Variants in RPN2 observed in about 807,000 individuals in gnomAD.
The protein encoded by RPN2 is ribophorin II, also known as dolichyl-diphosphooligosaccharide--protein glycosyltransferase subunit 2.
A neutral mutation model predicts 71.4 loss-of-function variants in RPN2; 29 were observed. The ratio of observed to expected loss-of-function variants is 0.41; its 90% CI spans 0.30 to 0.55. The LOEUF (loss-of-function observed/expected upper bound fraction) is 0.55, where lower values mean the gene tolerates loss of function less well. Among genes scored for constraint, RPN2 ranks in the 20% least tolerant of loss-of-function variants. The pLI is 0.35. For synonymous variants in RPN2, 308 were observed against 305.0 expected (o/e 1.01, Z -0.10); for missense variants, 726 against 774.1 (o/e 0.94, Z 0.74).
At chr20:37,231,974 C>T (rs1325438474) in intron 13 of RPN2, among the ~76,000 whole-genome samples, 2 of 152,180 alleles carry the variant, frequency 1.3e-5, no homozygotes, top group Non-Finnish European at 1.5e-5. Flanking sequence ...TACCTGGGCA[C>T]CCTCTTTGGC....
At chr20:37,233,070 A>G (rs4810452) in intron 14 of RPN2, among the ~76,000 whole-genome samples, 110,034 of 151,148 alleles carry the variant, frequency 0.73, 40,442 homozygotes, top group Middle Eastern at 0.85. Context: ...AGAAAATTAG[A>G]AAAAAAAAAA....
intron 16 of RPN2, among the ~76,000 whole-genome samples, chr20:37,237,918 A>G (rs930638941): frequency 6.6e-6 from 1 of 152,204 alleles, no homozygotes; most frequent in African/African-American, 2.4e-5. Flanking sequence ...TCTGCCCGCC[A>G]TGGTGGCTTA....
At chr20:37,205,681 A>G (rs1286707483) in intron 6 of RPN2, among the ~76,000 whole-genome samples, 3 of 152,170 alleles carry the variant, frequency 2.0e-5, no homozygotes, top group African/African-American at 4.8e-5. Context: ...TATTTTCTCC[A>G]TGTGGTCAAA....
chr20:37,179,960 C>T lies in RPN2; in HGVS notation c.13+591C>T, dbSNP rs561886772. 2.0e-5 allele frequency among the ~76,000 whole-genome samples: 3 copies of T among 152,350 alleles called. No homozygotes were observed. The South Asian group carries it at 6.2e-4, about 32-fold the overall frequency. ...TGTAAAATAAGTTAGTCAAATTAGTCACGTTATCTGCCTCGTTGAGTTGCT... is the reference window on the plus strand; with the variant it reads ...TGTAAAATAAGTTAGTCAAATTAGTTACGTTATCTGCCTCGTTGAGTTGCT... On this transcript the variant is annotated intron_variant, in intron 1 of 16. Coordinates refer to ENST00000237530, the MANE Select transcript of RPN2 (RefSeq NM_002951.5).
intron 4 of RPN2, among the ~76,000 whole-genome samples, chr20:37,203,194 G>A (rs1470823325): frequency 6.6e-6 from 1 of 152,168 alleles, no homozygotes; most frequent in Admixed American, 6.5e-5. Context: ...CAAAGTATTG[G>A]GATTACAGGT....
rs6017563 is a variant in RPN2 at position 37,228,444 on chromosome 20, C to G, written c.1300-106C>G. The G allele has an allele frequency of 1.1e-3, 1,250 of 1,108,350 alleles. 13 individuals carry two copies. The African/African-American group carries it at 0.018, about 16-fold the overall frequency. The allele number at this position is 1,108,350 out of a possible 1,614,324, so 68.7% of individuals were successfully genotyped here. Reference sequence around the variant, plus strand: ...GGTCTGGCAGATCCCAGAGCTCTCACTGTGACAAAGCGCTAATAACCGTCT... The same window carrying G: ...GGTCTGGCAGATCCCAGAGCTCTCAGTGTGACAAAGCGCTAATAACCGTCT... On this transcript the variant is annotated intron_variant, in intron 11 of 16. Transcript: ENST00000237530.
At chr20:37,187,665 G>A (rs1160218570) in intron 2 of RPN2, among the ~76,000 whole-genome samples, 4 of 150,342 alleles carry the variant, frequency 2.7e-5, no homozygotes, top group Admixed American at 2.7e-4. Context: ...TTTGAGACAG[G>A]GTCTCACTCT....
At chr20:37,200,720 T>C (rs2067368918) in intron 4 of RPN2, among the ~76,000 whole-genome samples, 1 of 152,160 alleles carries the variant, frequency 6.6e-6, no homozygotes, top group Non-Finnish European at 1.5e-5. Context: ...GTACACACTT[T>C]GTCCAGTGCT....
At chr20:37,202,270 T>G (rs1454392145) in intron 4 of RPN2, among the ~76,000 whole-genome samples, 1 of 152,234 alleles carries the variant, frequency 6.6e-6, no homozygotes, top group African/African-American at 2.4e-5. Flanking sequence ...TTCTCAAGTG[T>G]ATGATAACAG....
At position 37,220,364 on chromosome 20, in the gene RPN2, G is replaced by A. The variant is rs548255382; in HGVS notation, c.1093-3514G>A. On this transcript the variant is annotated intron_variant, in intron 9 of 16. Transcript: ENST00000237530. ...ACATTGGTCAGAGTGCATTAACGGT[G>A]GTTTGGTGTGGAAGTCCTGTAATAG... 2.0e-5 allele frequency among the ~76,000 whole-genome samples: 3 copies of A among 152,296 alleles called. No homozygotes were observed. The East Asian group carries it at 5.8e-4, about 29-fold the overall frequency.
At chr20:37,229,736 G>A (rs2146686038) in intron 12 of RPN2, 1 of 569,918 alleles carries the variant, frequency 1.8e-6, no homozygotes, top group South Asian at 2.0e-5. Flanking sequence ...AGCTCTATGG[G>A]GCTACTATAC....
intron 1 of RPN2, among the ~76,000 whole-genome samples, chr20:37,180,410 T>C (rs56770544): frequency 0.014 from 2,077 of 152,256 alleles, 48 homozygotes; most frequent in African/African-American, 0.047. Flanking sequence ...ATTTAATGAT[T>C]TGGTGTGTGC....
chr20:37,239,764 T>TA (rs1415164991), intron 16 of RPN2, among the ~76,000 whole-genome samples: 4 of 152,172 alleles, frequency 2.6e-5, no homozygotes, highest in African/African-American at 9.7e-5. Context: ...GTGCCCCTTT[T>TA]AGAGTCCGAC....
At chr20:37,179,484 C>T in intron 1 of RPN2, 115 bp downstream of exon 1, 3 of 1,416,372 alleles carry the variant, frequency 2.1e-6, no homozygotes, top group Non-Finnish European at 2.8e-6. Context: ...GGGGCATGGG[C>T]ACAAGCTCTG....
intron 4 of RPN2, among the ~76,000 whole-genome samples, chr20:37,199,463 G>A (rs185854726): frequency 5.3e-5 from 8 of 152,236 alleles, no homozygotes; most frequent in African/African-American, 1.9e-4. Flanking sequence ...GAAGGCAAGC[G>A]CTGAGCCAGA....
chr20:37,195,056 G>A (rs2067224547), intron 2 of RPN2, among the ~76,000 whole-genome samples: 1 of 152,136 alleles, frequency 6.6e-6, no homozygotes, highest in South Asian at 2.1e-4. Flanking sequence ...TTGATTAATT[G>A]GGGTATTAGC....
chr20:37,232,301 G>A lies in RPN2; in HGVS notation c.1587G>A (p.Leu529=). Reference sequence around the variant, plus strand: ...CTTGGTGTGTCTTTCGGCAGCACCTGTTCCGCGAGCCTGAGAAGAGGCCCC... The same window carrying A: ...CTTGGTGTGTCTTTCGGCAGCACCTATTCCGCGAGCCTGAGAAGAGGCCCC... The part of the protein sequence containing the change: ...LFTPKQEIQH[L]FREPEKRPPT... The change falls in exon 14 of 17, where the codon CTG becomes CTA. Residue 529 remains leucine (L), a synonymous_variant. Transcript: ENST00000237530. The A allele has an allele frequency of 6.2e-7, 1 of 1,614,228 alleles. No individual in the cohort carries two copies. The highest frequency in any genetic ancestry group is 8.5e-7 in the Non-Finnish European group (1 of 1,180,032).
intron 3 of RPN2, among the ~76,000 whole-genome samples, 183 bp downstream of exon 3, chr20:37,198,675 C>T (rs775889470): frequency 4.0e-5 from 6 of 149,232 alleles, no homozygotes; most frequent in Admixed American, 1.3e-4. Context: ...TAAGTTTTTA[C>T]TTTTCAAGGG....
Position 37,236,638 on chromosome 20 carries a change from G to A in RPN2, c.1812G>A (p.Lys604=). The change falls in exon 16 of 17, where the codon AAG becomes AAA. Residue 604 remains lysine (K), a synonymous_variant. Transcript: ENST00000237530. Reference sequence around the variant, plus strand: ...AGCTCAACATGTTCCAGACCTTGAAGTACCTGGCCATCCTGGGCAGTGTGA... The same window carrying A: ...AGCTCAACATGTTCCAGACCTTGAAATACCTGGCCATCCTGGGCAGTGTGA... ...WTQLNMFQTL[K]YLAILGSVTF... 1 of 1,614,052 alleles carries A rather than the reference G, an allele frequency of 6.2e-7. No individual in the cohort carries two copies. Among genetic ancestry groups the A allele is most frequent in the East Asian group, 2.2e-5 (1 of 44,882 alleles).
Sources: gnomAD v4.1 joint callset for allele counts (sites outside exome capture counted in the v4.1 genomes callset) on GRCh38, gnomAD v4.1.1 for gene constraint, MANE v1.5 for transcripts, NCBI Gene and HGNC (gene_info 2026-07-23, HGNC 2026-07-21) for gene names.